The following RELCH variants were observed in gnomAD, a reference collection of about 807,000 sequenced individuals.
RELCH encodes the protein RAB11-binding protein RELCH.
RELCH carries 41 observed loss-of-function variants against 150.3 expected under a neutral mutation model. The ratio of observed to expected loss-of-function variants is 0.27; its 90% CI spans 0.21 to 0.35. The LOEUF (loss-of-function observed/expected upper bound fraction) is 0.35. Ranked by LOEUF, RELCH falls within the 10% of genes least tolerant of loss-of-function variation. RELCH has a pLI of 1.00. For missense variants in RELCH, 1,092 were observed against 1,467.8 expected (o/e 0.74, Z 4.18); for synonymous variants, 478 against 531.8 (o/e 0.90, Z 1.39).
At chr18:62,196,481 C>T (rs1235016406) in intron 1 of RELCH, among the ~76,000 whole-genome samples, 1 of 152,176 alleles carries the variant, frequency 6.6e-6, no homozygotes, top group Non-Finnish European at 1.5e-5. Context: ...CCACCTGCCT[C>T]GGCCTCCCAA....
At chr18:62,205,178 A>G (rs992494223) in intron 1 of RELCH, among the ~76,000 whole-genome samples, 2 of 152,214 alleles carry the variant, frequency 1.3e-5, no homozygotes, top group South Asian at 4.1e-4. Context: ...TTTATCATGC[A>G]TGTCATTAAT....
At chr18:62,267,406 A>G (rs145122570) in intron 19 of RELCH, among the ~76,000 whole-genome samples, 1 of 149,948 alleles carries the variant, frequency 6.7e-6, no homozygotes, top group Non-Finnish European at 1.5e-5. Context: ...CTATATATAG[A>G]ATATATATAT....
intron 22 of RELCH, chr18:62,278,043 T>C (rs1370279837): frequency 6.4e-6 from 1 of 156,634 alleles, no homozygotes; most frequent in African/African-American, 2.4e-5. Context: ...TTGTACTTAC[T>C]TCATCAAGTG....
At chr18:62,283,432 G>A (rs1211109087) in intron 25 of RELCH, among the ~76,000 whole-genome samples, 3 of 152,120 alleles carry the variant, frequency 2.0e-5, no homozygotes, top group African/African-American at 7.2e-5. Flanking sequence ...GCTCTAGAGA[G>A]GGCCACAAGT....
rs141202168 is a variant in RELCH at position 62,293,623 on chromosome 18, T to C, written c.3459+1992T>C. The stretch of plus-strand genomic sequence containing the variant: ...AACTGGGTGCTATATCCTAGCCAAA[T>C]TGACACAAAAGACTATGACTATCAG... On this transcript the variant is annotated intron_variant, in intron 27 of 28. Transcript: ENST00000644646. Among the ~76,000 whole-genome samples, 1,145 of 152,134 alleles carry C rather than the reference T, an allele frequency of 7.5e-3. 5 individuals are homozygous for C. Among genetic ancestry groups the C allele is most frequent in the Non-Finnish European group, 0.012 (805 of 67,994 alleles).
rs776889604 is a variant in RELCH, at chr18:62,258,665, A to G, written c.2191A>G (p.Lys731Glu). ...ACTTACACTACTGAACAAGATTGAA[A>G]AACTTCTCAGGGTAAGTTCTTCTTT... ...LILTLLNKIE[K>E]LLREGEHGLD... The change falls in exon 15 of 29, where the codon AAA becomes GAA. Residue 731 changes from lysine to glutamate, a missense_variant. By Grantham distance (56) the Lys-to-Glu change is moderately conservative (BLOSUM62 1). Coordinates refer to ENST00000644646, the MANE Select transcript of RELCH (RefSeq NM_001346231.2). 1 of 1,584,244 alleles carries G rather than the reference A, an allele frequency of 6.3e-7. No homozygotes were observed. The highest frequency in any genetic ancestry group is 1.2e-5 in the South Asian group (1 of 85,534).
intron 18 of RELCH, 22 bp downstream of exon 18, chr18:62,264,874 T>G (rs1240771915): frequency 6.3e-7 from 1 of 1,583,318 alleles, no homozygotes; most frequent in African/African-American, 1.4e-5. Context: ...TATTCCATGT[T>G]TTCTTATATG....
In RELCH at chr18:62,280,201, G is replaced by A. The variant is rs191250024; in HGVS notation, c.3050+345G>A. 5 of 628,116 alleles carry A rather than the reference G, an allele frequency of 8.0e-6. No individual in the cohort carries two copies. The Admixed American group carries it at 1.4e-4, about 17-fold the overall frequency. 38.9% of individuals were successfully genotyped at this position (628,116 alleles called of 1,614,324 possible). A position where few individuals can be genotyped will look rare whatever the true frequency, so the allele number is the denominator to read the frequency against. ...CACTAACAGGTTGTTACCAGTAAGT[G>A]TAGTAGCATGAACCAATGGCCTAAC... On this transcript the variant is annotated intron_variant, in intron 23 of 28. Transcript: ENST00000644646.
intron 2 of RELCH, among the ~76,000 whole-genome samples, chr18:62,217,910 G>A (rs554442562): frequency 6.6e-6 from 1 of 151,892 alleles, no homozygotes; most frequent in South Asian, 2.1e-4. Context: ...AGAAAAACAA[G>A]TATCTACAAA....
At chr18:62,238,210 T>A (rs1248853073) in intron 10 of RELCH, among the ~76,000 whole-genome samples, 3 of 151,940 alleles carry the variant, frequency 2.0e-5, no homozygotes, top group African/African-American at 7.2e-5. Flanking sequence ...CAAATATTTA[T>A]CTCTGCTGTA....
At position 62,219,541 on chromosome 18, in the gene RELCH, A is replaced by C. The variant is rs562438971; in HGVS notation, c.617-1496A>C. Among the ~76,000 whole-genome samples, 8 of 151,210 alleles carry C rather than the reference A, an allele frequency of 5.3e-5. No individual in the cohort carries two copies. The South Asian group carries it at 1.7e-3, about 31-fold the overall frequency. ...GTAAACCAACATGCTGTGTAAACCT[A>C]TTCTGTACTTACCTTACACACTGAA... is the stretch of plus-strand genomic sequence containing the variant. On this transcript the variant is annotated intron_variant, in intron 2 of 28. Coordinates refer to ENST00000644646, the MANE Select transcript of RELCH (RefSeq NM_001346231.2).
At chr18:62,302,114 A>C (rs528233173) in intron 28 of RELCH, among the ~76,000 whole-genome samples, 10 of 152,340 alleles carry the variant, frequency 6.6e-5, no homozygotes, top group Admixed American at 6.5e-4. Flanking sequence ...ATGTGAACTC[A>C]ATTTAACTTG....
chr18:62,255,446 G>A lies in RELCH; in HGVS notation c.1864G>A (p.Glu622Lys), dbSNP rs760171214. Reference sequence around the variant, plus strand: ...CCCAGAAAGACGACTGCTTGTGGCAGAATCCTGTGGAGCACTGGCACCTTA... The same window carrying A: ...CCCAGAAAGACGACTGCTTGTGGCAAAATCCTGTGGAGCACTGGCACCTTA... ...KYPERRLLVA[E>K]SCGALAPYLP... The change falls in exon 13 of 29, where the codon GAA becomes AAA. Residue 622 changes from glutamate to lysine, a missense_variant. By Grantham distance (56) the Glu-to-Lys change is moderately conservative. Around this residue, in one of 4 missense-constraint regions of RELCH, gnomAD observed 707 missense variants for 1,025.4 expected, o/e 0.69. Transcript: ENST00000644646. 5 of 1,608,628 alleles carry A rather than the reference G, an allele frequency of 3.1e-6. No individual in the cohort carries two copies. The highest frequency in any genetic ancestry group is 4.2e-6 in the Non-Finnish European group (5 of 1,178,148).
At chr18:62,255,367 A>G (rs774735958) in intron 12 of RELCH, 40 bp from the exon 13 acceptor site, 2 of 1,266,962 alleles carry the variant, frequency 1.6e-6, no homozygotes, top group African/African-American at 2.9e-5. Context: ...AAGGGAGGGT[A>G]TGCTGTTTAT....
chr18:62,299,337 G>T (rs1291018346), intron 28 of RELCH, among the ~76,000 whole-genome samples: 1 of 152,218 alleles, frequency 6.6e-6, no homozygotes, highest in Non-Finnish European at 1.5e-5. Context: ...ACGTGAAAGA[G>T]TATTATAACG....
chr18:62,231,696 T>G, intron 9 of RELCH, among the ~76,000 whole-genome samples: 1 of 152,050 alleles, frequency 6.6e-6, no homozygotes, highest in East Asian at 1.9e-4. Flanking sequence ...TATTTTGTAT[T>G]TATTTTTGCA....
intron 18 of RELCH, 92 bp downstream of exon 18, chr18:62,264,944 A>G (rs771498504): frequency 8.0e-5 from 83 of 1,043,006 alleles, no homozygotes; most frequent in Non-Finnish European, 1.1e-4. Flanking sequence ...AGCATGAACC[A>G]TTCTTTTATC....
chr18:62,230,364 TG>T (rs1216457475), intron 8 of RELCH, among the ~76,000 whole-genome samples: 1 of 152,074 alleles, frequency 6.6e-6, no homozygotes, highest in Non-Finnish European at 1.5e-5. Context: ...GGTCCCCCTC[TG>T]AGGGAATATG....
rs1269636623 is a variant in RELCH at position 62,306,050 on chromosome 18, G to C, written c.*516G>C. 6.6e-6 allele frequency: 1 copy of C among 152,618 alleles called. No individual in the cohort carries two copies. The highest frequency in any genetic ancestry group is 2.4e-5 in the African/African-American group (1 of 41,448). The allele number at this position is 152,618 out of a possible 1,614,324, so 9.5% of individuals were successfully genotyped here. A position where few individuals can be genotyped will look rare whatever the true frequency, so the allele number is the denominator to read the frequency against. On this transcript the variant is annotated 3_prime_UTR_variant, in exon 29 of 29. Coordinates refer to ENST00000644646, the MANE Select transcript of RELCH (RefSeq NM_001346231.2). The stretch of plus-strand genomic sequence containing the variant: ...CTGTGCCTTTTGGACATCAGTTTGT[G>C]TGTTCTGTAGGAATTGTGTGCATTC...
Sources: gnomAD v4.1 joint callset for allele counts (sites outside exome capture counted in the v4.1 genomes callset) on GRCh38, gnomAD v4.1.1 for gene constraint, gnomAD v4.1.1 regional missense constraint, MANE v1.5 for transcripts, NCBI Gene and HGNC (gene_info 2026-07-23, HGNC 2026-07-21) for gene names.